Variants in PCDHA7 observed in about 807,000 individuals in gnomAD.
PCDHA7 encodes the protein protocadherin alpha-7.
Under a neutral mutation model 57.2 loss-of-function variants are expected in PCDHA7, and 37 were observed. That is an observed-to-expected ratio of 0.65 (90% CI 0.50 to 0.85). The LOEUF (loss-of-function observed/expected upper bound fraction) is 0.85. PCDHA7 is among the 40% of genes least tolerant of loss of function. The pLI, the probability that PCDHA7 is intolerant of heterozygous loss-of-function variation, is 0.00. For synonymous variants in PCDHA7, 553 were observed against 558.8 expected, an observed-to-expected ratio of 0.99 and a Z score of 0.15; for missense variants, 1,188 against 1,241.8, an observed-to-expected ratio of 0.96 and a Z score of 0.65.
In PCDHA7 at chr5:140,857,214, C is replaced by T. The variant is rs193920994; in HGVS notation, c.2355+20476C>T. ...AACGGACAGGTCACCTGCTCTCTGA[C>T]GCCTCACGTTCCGTTCAAGCTGGTG... is the stretch of plus-strand genomic sequence containing the variant. On this transcript the variant is annotated intron_variant, in intron 1 of 3. Transcript: ENST00000525929. 5 of 1,598,500 alleles carry T rather than the reference C, an allele frequency of 3.1e-6. 1 individual carries two copies. Among genetic ancestry groups the T allele is most frequent in the Non-Finnish European group, 3.4e-6 (4 of 1,167,936 alleles).
intron 1 of PCDHA7, chr5:140,877,038 G>T (rs782221827): frequency 2.5e-6 from 4 of 1,612,418 alleles, no homozygotes; most frequent in East Asian, 2.2e-5. Flanking sequence ...CGCTGCAGCC[G>T]CTAGACCACG....
chr5:140,912,530 A>C (rs2075961098), intron 1 of PCDHA7, among the ~76,000 whole-genome samples: 2 of 152,178 alleles, frequency 1.3e-5, no homozygotes, highest in East Asian at 1.9e-4. Context: ...TTCAGAGTAC[A>C]TGATCATATT....
rs2150227216 is a variant in PCDHA7 at position 140,834,810 on chromosome 5, G to C, written c.427G>C (p.Ala143Pro). ...FPATQRNLFI[A>P]ESRPLDSRFP... ...AGCGACACAAAGGAATCTGTTCATC[G>C]CGGAATCCAGGCCGCTTGACTCTCG... The change falls in exon 1 of 4, where the codon GCG becomes CCG. Residue 143 changes from alanine to proline, a missense_variant. Physicochemically the swap from Ala to Pro is conservative, Grantham distance 27. Transcript: ENST00000525929. The C allele has an allele frequency of 3.7e-6, 6 of 1,612,624 alleles. No homozygotes were observed. The highest frequency in any genetic ancestry group is 1.1e-5 in the South Asian group (1 of 90,910).
chr5:140,842,857 G>A, intron 1 of PCDHA7: 1 of 1,594,002 alleles, frequency 6.3e-7, no homozygotes, highest in East Asian at 2.2e-5. Context: ...CGGTGCACAC[G>A]GAGAGCGGCA....
intron 1 of PCDHA7, chr5:140,882,955 C>G (rs1554176243): frequency 6.2e-7 from 1 of 1,614,178 alleles, no homozygotes; most frequent in Admixed American, 1.7e-5. Context: ...TTCAGCTGCT[C>G]ATCACGATTC....
chr5:140,928,014 G>A (rs1554205371), intron 1 of PCDHA7: 1 of 1,614,150 alleles, frequency 6.2e-7, no homozygotes, highest in Non-Finnish European at 8.5e-7. Flanking sequence ...CTAATGGTAG[G>A]GTCATTTGTG....
chr5:140,869,204 C>G (rs199956165), intron 1 of PCDHA7: 29 of 1,613,960 alleles, frequency 1.8e-5, no homozygotes, highest in Non-Finnish European at 2.4e-5. Flanking sequence ...CTCCACTACT[C>G]CGTCTCGGAG....
At chr5:140,869,038 C>A in intron 1 of PCDHA7, 1 of 1,528,506 alleles carries the variant, frequency 6.5e-7, no homozygotes, top group South Asian at 1.3e-5. Context: ...GATTTTTAAC[C>A]TGAAACTGAA....
At chr5:140,863,157 C>A (rs782159779) in intron 1 of PCDHA7, 7 of 638,840 alleles carry the variant, frequency 1.1e-5, no homozygotes, top group South Asian at 5.4e-5. Flanking sequence ...AGGACCACTG[C>A]GAGCTGGCGC....
At chr5:140,876,607 T>G (rs1480667665) in intron 1 of PCDHA7, 7 of 1,614,068 alleles carry the variant, frequency 4.3e-6, no homozygotes, top group Non-Finnish European at 5.9e-6. Flanking sequence ...GGATCGTGAC[T>G]CTGGAGCCAA....
At chr5:141,009,167 G>A (rs2098401919) in intron 3 of PCDHA7, among the ~76,000 whole-genome samples, 1 of 152,180 alleles carries the variant, frequency 6.6e-6, no homozygotes, top group African/African-American at 2.4e-5. Flanking sequence ...TGTAAATACT[G>A]GCCTTGGCTG....
At chr5:141,009,528 G>A in intron 3 of PCDHA7, 99 bp from the exon 4 acceptor site, 4 of 1,508,216 alleles carry the variant, frequency 2.7e-6, no homozygotes, top group Non-Finnish European at 3.5e-6. Flanking sequence ...TTCTGGGGAG[G>A]TTCAGCCTGC....
chr5:140,914,944 CTT>C (rs35695909), intron 1 of PCDHA7, among the ~76,000 whole-genome samples: 2,964 of 128,208 alleles, frequency 0.023, 99 homozygotes, highest in African/African-American at 0.077. Flanking sequence ...GAAAAGTTGT[CTT>C]TTTTTTTTTT....
chr5:140,882,897 T>A, intron 1 of PCDHA7: 1 of 1,614,220 alleles, frequency 6.2e-7, no homozygotes, highest in South Asian at 1.1e-5. Context: ...GAACATAGTT[T>A]ATTACTGACA....
chr5:140,881,383 G>T (rs2058695337), intron 1 of PCDHA7: 1 of 984,212 alleles, frequency 1.0e-6, no homozygotes, highest in Non-Finnish European at 1.2e-6. Context: ...AGCCGGCGGC[G>T]GTAAGTTAAA....
chr5:140,918,456 T>A (rs782254836), intron 1 of PCDHA7, among the ~76,000 whole-genome samples: 9 of 152,316 alleles, frequency 5.9e-5, no homozygotes, highest in South Asian at 4.1e-4. Flanking sequence ...GTGGGCATCC[T>A]TGTCTTATTC....
At chr5:140,960,346 T>A (rs782732587) in intron 1 of PCDHA7, among the ~76,000 whole-genome samples, 21 of 152,174 alleles carry the variant, frequency 1.4e-4, no homozygotes, top group Admixed American at 2.6e-4. Context: ...AGGTGAGATA[T>A]GTACTGAAAT....
At chr5:140,973,208 C>T (rs2096576751) in intron 1 of PCDHA7, among the ~76,000 whole-genome samples, 1 of 152,170 alleles carries the variant, frequency 6.6e-6, no homozygotes, top group African/African-American at 2.4e-5. Flanking sequence ...TGCATATTCA[C>T]CCTAATTCCA....
chr5:140,978,865 A>G, intron 1 of PCDHA7, 84 bp from the exon 2 acceptor site: 1 of 1,602,026 alleles, frequency 6.2e-7, no homozygotes, highest in South Asian at 1.1e-5. Flanking sequence ...GAAATATTTA[A>G]GGGAGTAACT....
Sources: allele counts gnomAD v4.1 joint callset (sites outside exome capture counted in the v4.1 genomes callset), GRCh38; gene constraint gnomAD v4.1.1; transcripts MANE v1.5; gene names NCBI Gene and HGNC (gene_info 2026-07-23, HGNC 2026-07-21).